Variants in RIPOR1 observed in about 807,000 individuals in gnomAD.
RIPOR1 encodes the protein RHO family interacting cell polarization regulator 1.
RIPOR1 carries 58 observed loss-of-function variants against 116.5 expected under a neutral mutation model. The observed-to-expected ratio is 0.50, with a 90% confidence interval of 0.40 to 0.62. RIPOR1 has a LOEUF of 0.62. Among genes scored for constraint, RIPOR1 ranks in the 20% least tolerant of loss-of-function variants. The pLI is 0.00. For missense variants in RIPOR1, 1,372 were observed against 1,586.2 expected (o/e 0.86, Z 2.29); for synonymous variants, 605 against 650.0 (o/e 0.93, Z 1.05).
rs1207691377 is a variant in RIPOR1, at chr16:67,540,462, G to A, written c.636G>A (p.Leu212=). ...LGEFHLRMKG[L]AGFARLCVGD... ...TCCCCTTCTCCTCCAACTCAGGGCT[G>A]GCTGGCTTCGCCAGGCTGTGTGTAG... Residue 212 remains leucine, a synonymous_variant, in exon 9 of 22, where the codon CTG becomes CTA. Transcript: ENST00000042381. This position sits in a 1 kb window ranked among gnomAD's most constrained non-coding sequence, Gnocchi z 4.7. 6.2e-7 allele frequency: 1 copy of A among 1,614,184 alleles called. No individual in the cohort carries two copies. Among genetic ancestry groups the A allele is most frequent in the African/African-American group, 1.3e-5 (1 of 75,036 alleles).
At position 67,540,184 on chromosome 16, in the gene RIPOR1, G is replaced by A. The variant is rs201004927; in HGVS notation, c.546G>A (p.Arg182=). 1 of 1,614,122 alleles carries A rather than the reference G, an allele frequency of 6.2e-7. No individual in the cohort carries two copies. Among genetic ancestry groups the A allele is most frequent in the African/African-American group, 1.3e-5 (1 of 75,058 alleles). Reference sequence around the variant, plus strand: ...GGGACAGCCTGGCAGAGGCCACTCGGGGGCATCGCGAGTACACGGAGGTGA... The same window carrying A: ...GGGACAGCCTGGCAGAGGCCACTCGAGGGCATCGCGAGTACACGGAGGTGA... ...EARDSLAEAT[R]GHREYTESMC... is the part of the protein sequence containing the mutation. Residue 182 remains arginine (R), a synonymous_variant, in exon 7 of 22, where the codon CGG becomes CGA. Transcript: ENST00000042381. The surrounding 1 kb of genome is among the most constrained non-coding windows in gnomAD (Gnocchi z 4.7).
intron 1 of RIPOR1, among the ~76,000 whole-genome samples, chr16:67,520,569 G>A (rs953543084): frequency 2.3e-4 from 35 of 152,006 alleles, no homozygotes; most frequent in African/African-American, 4.8e-4. Context: ...TTGGGAGGCC[G>A]AGGCAGGCAG....
chr16:67,522,191 ATTTTTTTTTTTT>A (rs34835336), intron 1 of RIPOR1, among the ~76,000 whole-genome samples: 8,140 of 71,382 alleles, frequency 0.11, 676 homozygotes, highest in African/African-American at 0.33. Context: ...CCACGCCCAG[ATTTTTTTTTTTT>A]TTTTTTTTTT....
In RIPOR1 at chr16:67,545,981, T is replaced by C. The variant is rs147655067; in HGVS notation, c.3420T>C (p.Asp1140=). The stretch of plus-strand genomic sequence containing the variant: ...TGTGCTTCCTGGACCAGCTGGAGGA[T>C]GAGGACGTGCAGACTCGAGTGGCTG... ...ALLCFLDQLE[D]EDVQTRVAGC... The change falls in exon 20 of 22, where the codon GAT becomes GAC. Residue 1140 remains aspartate (D), a synonymous_variant. Coordinates refer to ENST00000042381, the MANE Select transcript of RIPOR1 (RefSeq NM_024519.4). The surrounding 1 kb of genome is among the most constrained non-coding windows in gnomAD (Gnocchi z 4.8). 87 of 1,613,824 alleles carry C rather than the reference T, an allele frequency of 5.4e-5. No individual in the cohort carries two copies. The highest frequency in any genetic ancestry group is 6.4e-5 in the Non-Finnish European group (76 of 1,180,000).
rs1271906275 is a variant in RIPOR1 at position 67,529,780 on chromosome 16, G to A, written c.-24+866G>A. On this transcript the variant is annotated intron_variant, in intron 1 of 21. Coordinates refer to ENST00000042381, the MANE Select transcript of RIPOR1 (RefSeq NM_024519.4). The surrounding 1 kb of genome is among the most constrained non-coding windows in gnomAD (Gnocchi z 4.1). ...GCTGCAGTCTGCGGGGCCGCGCCCT[G>A]GGCCTGCCGCATTCGGCCAACGCAC... 7.2e-6 allele frequency: 11 copies of A among 1,535,562 alleles called. No homozygotes were observed. The highest frequency in any genetic ancestry group is 9.6e-6 in the Non-Finnish European group (11 of 1,146,872).
In RIPOR1 at chr16:67,540,191, C is replaced by T. The variant is rs767706957; in HGVS notation, c.553C>T (p.Arg185Cys). Residue 185 changes from arginine (R) to cysteine (C), a missense_variant, in exon 7 of 22, where the codon CGC (arginine) becomes TGC (cysteine). Arg to Cys is a radical substitution (Grantham distance 180). This residue lies in a region of RIPOR1 where 202 missense variants were observed against 295.9 expected (regional missense o/e 0.68). Transcript: ENST00000042381. The surrounding 1 kb of genome is among the most constrained non-coding windows in gnomAD (Gnocchi z 4.7). ...DSLAEATRGH[R>C]EYTESMCLLE... The stretch of plus-strand genomic sequence containing the variant: ...CCTGGCAGAGGCCACTCGGGGGCAT[C>T]GCGAGTACACGGAGGTGAGGGATGG... 6.2e-7 allele frequency: 1 copy of T among 1,614,050 alleles called. No homozygotes were observed. The highest frequency in any genetic ancestry group is 8.5e-7 in the Non-Finnish European group (1 of 1,179,968).
rs1209046326 is a variant in RIPOR1 at position 67,528,914 on chromosome 16, T to G, written c.-24T>G. The G allele has an allele frequency of 1.0e-5, 2 of 197,736 alleles. No homozygotes were observed. Among genetic ancestry groups the G allele is most frequent in the Non-Finnish European group, 2.2e-5 (2 of 92,342 alleles). The allele number at this position is 197,736 out of a possible 1,614,324, so 12.2% of individuals were successfully genotyped here. A position where few individuals can be genotyped will look rare whatever the true frequency, so the allele number is the denominator to read the frequency against. On this transcript the variant is annotated splice_region_variant and 5_prime_UTR_variant, in exon 1 of 22. It removes an upstream start codon present in the reference 5' UTR. Transcript: ENST00000042381. ...AGGTCCGCGCAGCCCAGCGCAGCCA[T>G]GTGAGTGTCCCGCGCCGTTTCCGGG...
intron 1 of RIPOR1, among the ~76,000 whole-genome samples, chr16:67,520,626 C>A (rs1163573479): frequency 6.6e-6 from 1 of 151,730 alleles, no homozygotes; most frequent in Non-Finnish European, 1.5e-5. Flanking sequence ...CATGGTGAAA[C>A]CCCGTCTCTA....
chr16:67,539,041 A>G lies in RIPOR1; in HGVS notation c.309A>G (p.Ile103Met), dbSNP rs371921564. 245 of 1,613,214 alleles carry G rather than the reference A, an allele frequency of 1.5e-4. No homozygotes were observed. The highest frequency in any genetic ancestry group is 1.9e-4 in the Non-Finnish European group (230 of 1,179,810). ...AGCAAGAGAAACTCCAGGGGCAGAT[A>G]AGGGAGTCCAAGAGGAATTCCCGCT... ...QQEQEKLQGQ[I>M]RESKRNSRLG... The change falls in exon 4 of 22, where the codon ATA becomes ATG. Residue 103 changes from isoleucine (I) to methionine (M), a missense_variant. Around this residue, in one of 3 missense-constraint regions of RIPOR1, gnomAD observed 165 missense variants for 145.5 expected, o/e 1.13. Coordinates refer to ENST00000042381, the MANE Select transcript of RIPOR1 (RefSeq NM_024519.4).
In RIPOR1 at chr16:67,542,247, T is replaced by C. The variant is rs1214528165; in HGVS notation, c.1461T>C (p.His487=). Residue 487 remains histidine, a synonymous_variant, in exon 13 of 22, where the codon CAT becomes CAC. Coordinates refer to ENST00000042381, the MANE Select transcript of RIPOR1 (RefSeq NM_024519.4). The surrounding 1 kb of genome is among the most constrained non-coding windows in gnomAD (Gnocchi z 4.6). ...PSPPTHPAPT[H]GEHPSPVPPA... ...CACCTACACACCCAGCTCCCACCCA[T>C]GGAGAGCACCCCAGTCCTGTTCCTC... 2 of 1,613,594 alleles carry C rather than the reference T, an allele frequency of 1.2e-6. No homozygotes were observed. Among genetic ancestry groups the C allele is most frequent in the East Asian group, 2.2e-5 (1 of 44,856 alleles).
At chr16:67,520,863 C>A (rs2050489826) in intron 1 of RIPOR1, among the ~76,000 whole-genome samples, 1 of 151,742 alleles carries the variant, frequency 6.6e-6, no homozygotes, top group African/African-American at 2.4e-5. Context: ...CACTGAGGGG[C>A]ATGAAGGGAG....
chr16:67,544,998 G>A lies in RIPOR1; in HGVS notation c.2912G>A (p.Trp971Ter), dbSNP rs1158841846. ...SASRPGFLTF[W>*]DQCTERLSCF... ...TCTCGGCCTGGCTTCCTGACCTTCT[G>A]GGACCAGTGCACAGAGAGACTCAGC... Residue 971 changes from tryptophan (W) to a stop codon, truncating the protein, a stop_gained, in exon 17 of 22, where the codon TGG (tryptophan) becomes TAG (stop). Coordinates refer to ENST00000042381, the MANE Select transcript of RIPOR1 (RefSeq NM_024519.4). LOFTEE classifies it high-confidence loss of function. The surrounding 1 kb of genome is among the most constrained non-coding windows in gnomAD (Gnocchi z 5.1). 1 of 1,613,338 alleles carries A rather than the reference G, an allele frequency of 6.2e-7. No individual in the cohort carries two copies. The highest frequency in any genetic ancestry group is 8.5e-7 in the Non-Finnish European group (1 of 1,180,034).
At position 67,544,253 on chromosome 16, in the gene RIPOR1, G is replaced by A. The variant is rs1211368611; in HGVS notation, c.2601-46G>A. Reference sequence around the variant, plus strand: ...AATAAAAATAAACGCTGGTGACCAGGTGGTGATGTGTGCCTGTGGGGTGGT... The same window carrying A: ...AATAAAAATAAACGCTGGTGACCAGATGGTGATGTGTGCCTGTGGGGTGGT... On this transcript the variant is annotated intron_variant, in intron 14 of 21. Transcript: ENST00000042381. This position sits in a 1 kb window ranked among gnomAD's most constrained non-coding sequence, Gnocchi z 5.1. 6.4e-7 allele frequency: 1 copy of A among 1,567,458 alleles called. No homozygotes were observed. The highest frequency in any genetic ancestry group is 1.8e-5 in the Admixed American group (1 of 54,670).
At chr16:67,520,230 A>C (rs910987671) in intron 1 of RIPOR1, among the ~76,000 whole-genome samples, 3 of 151,442 alleles carry the variant, frequency 2.0e-5, no homozygotes, top group Non-Finnish European at 4.4e-5. Context: ...ATACAAAAAA[A>C]TTTAGCCGGG....
Position 67,531,682 on chromosome 16 carries a change from G to C in RIPOR1, c.-24+2768G>C, listed in dbSNP as rs534162055. ...GAACAGAGAAAGCAGGGGACTGGGAGGAGAGGAGTGGTTGAAAGAATGTGA... is the reference window on the plus strand; with the variant it reads ...GAACAGAGAAAGCAGGGGACTGGGACGAGAGGAGTGGTTGAAAGAATGTGA... On this transcript the variant is annotated intron_variant, in intron 1 of 21. Transcript: ENST00000042381. The surrounding 1 kb of genome is among the most constrained non-coding windows in gnomAD (Gnocchi z 4.2). The C allele has an allele frequency of 9.0e-5, 40 of 446,898 alleles. No homozygotes were observed. The highest frequency in any genetic ancestry group is 6.3e-4 in the South Asian group (40 of 63,458). 27.7% of individuals were successfully genotyped at this position (446,898 alleles called of 1,614,324 possible). A position where few individuals can be genotyped will look rare whatever the true frequency, so the allele number is the denominator to read the frequency against.
Position 67,538,540 on chromosome 16 carries a change from CG to C in RIPOR1, c.99del (p.Arg35GlyfsTer47). Reference protein sequence around the residue: ...SFAGVLGSHERGPRSFPVFSP... With the variant: ...SFAGVLGSHEXGPRSFPVFSP... ...CGCAGGCGTCCTCGGCAGCCACGAG[CG>C]GGGGCCCAGGTACGCGGCCGCGCAG... is the stretch of plus-strand genomic sequence containing the variant. On this transcript the variant is annotated frameshift_variant, in exon 2 of 22. Coordinates refer to ENST00000042381, the MANE Select transcript of RIPOR1 (RefSeq NM_024519.4). LOFTEE classifies it high-confidence loss of function. The C allele has an allele frequency of 1.2e-6, 2 of 1,612,062 alleles. No homozygotes were observed. The highest frequency in any genetic ancestry group is 1.7e-6 in the Non-Finnish European group (2 of 1,179,232).
intron 1 of RIPOR1, among the ~76,000 whole-genome samples, chr16:67,522,610 C>T (rs1403883128): frequency 6.6e-6 from 1 of 152,148 alleles, no homozygotes; most frequent in Non-Finnish European, 1.5e-5. Context: ...GTTGGGATTA[C>T]AGGCATGAGC....
chr16:67,544,983 G>A lies in RIPOR1; in HGVS notation c.2897G>A (p.Gly966Asp). 2 of 1,613,024 alleles carry A rather than the reference G, an allele frequency of 1.2e-6. No individual in the cohort carries two copies. Among genetic ancestry groups the A allele is most frequent in the Non-Finnish European group, 1.7e-6 (2 of 1,179,982 alleles). ...GTGCAGTTCTCGGCCTCTCGGCCTGGCTTCCTGACCTTCTGGGACCAGTGC... is the reference window on the plus strand; with the variant it reads ...GTGCAGTTCTCGGCCTCTCGGCCTGACTTCCTGACCTTCTGGGACCAGTGC... Reference protein sequence around the residue: ...EVVQFSASRPGFLTFWDQCTE... With the variant: ...EVVQFSASRPDFLTFWDQCTE... The change falls in exon 17 of 22, where the codon GGC (glycine) becomes GAC (aspartate). Residue 966 changes from glycine (G) to aspartate (D), a missense_variant. Gly to Asp is a moderately conservative substitution (Grantham distance 94). Around this residue, in one of 3 missense-constraint regions of RIPOR1, gnomAD observed 1,005 missense variants for 1,144.7 expected, o/e 0.88. Transcript: ENST00000042381. The surrounding 1 kb of genome is among the most constrained non-coding windows in gnomAD (Gnocchi z 5.1).
At chr16:67,521,458 T>C (rs1567557446) in intron 1 of RIPOR1, among the ~76,000 whole-genome samples, 1 of 152,182 alleles carries the variant, frequency 6.6e-6, no homozygotes, top group Non-Finnish European at 1.5e-5. Context: ...CACCACACAC[T>C]GCAGCCTTCC....
Sources: allele counts gnomAD v4.1 joint callset (sites outside exome capture counted in the v4.1 genomes callset), GRCh38; gene constraint gnomAD v4.1.1; regional missense constraint gnomAD v4.1.1; non-coding constraint Gnocchi (gnomAD v3.1); transcripts MANE v1.5; gene names NCBI Gene and HGNC (gene_info 2026-07-23, HGNC 2026-07-21).